Variants in COA1 observed in about 807,000 individuals in gnomAD.
The protein encoded by COA1 is cytochrome c oxidase assembly factor 1 homolog.
A neutral mutation model predicts 16.0 loss-of-function variants in COA1; 13 were observed. The ratio of observed to expected loss-of-function variants is 0.81; its 90% CI spans 0.53 to 1.29. The LOEUF (loss-of-function observed/expected upper bound fraction) is 1.29, where lower values mean the gene tolerates loss of function less well. COA1 is among the 50% of genes most tolerant of loss of function. COA1 has a pLI of 0.00. For synonymous variants in COA1, 65 were observed against 65.7 expected, an observed-to-expected ratio of 0.99 and a Z score of 0.05; for missense variants, 179 against 177.0, an observed-to-expected ratio of 1.01 and a Z score of -0.06.
intron 1 of COA1, among the ~76,000 whole-genome samples, chr7:43,672,945 G>C (rs1327258467): frequency 6.6e-6 from 1 of 152,152 alleles, no homozygotes; most frequent in Non-Finnish European, 1.5e-5. Context: ...TAATGGTGCT[G>C]AAATAATGGG....
intron 6 of COA1, among the ~76,000 whole-genome samples, chr7:43,612,075 C>T (rs2082928538): frequency 1.3e-5 from 2 of 152,174 alleles, no homozygotes; most frequent in South Asian, 4.1e-4. Flanking sequence ...CAGTATCAAT[C>T]ATATTCCTTT....
intron 1 of COA1, among the ~76,000 whole-genome samples, chr7:43,675,198 T>A (rs541828621): frequency 6.6e-6 from 1 of 152,096 alleles, no homozygotes; most frequent in African/African-American, 2.4e-5. Context: ...CCAACAACGA[T>A]AGACTGGATT....
rs750265343 is a variant in COA1 at position 43,639,350 on chromosome 7, A to G, written c.*232T>C. Reference sequence around the variant, plus strand: ...AAATACATTACATTATCTTAAATTTATAATAGGAGTTTCTTTCGGATTCAG... The same window carrying G: ...AAATACATTACATTATCTTAAATTTGTAATAGGAGTTTCTTTCGGATTCAG... On this transcript the variant is annotated 3_prime_UTR_variant, in exon 6 of 6. Coordinates refer to ENST00000223336, the MANE Select transcript of COA1 (RefSeq NM_018224.4). 8.2e-6 allele frequency: 3 copies of G among 365,632 alleles called. No homozygotes were observed. Among genetic ancestry groups the G allele is most frequent in the Non-Finnish European group, 1.5e-5 (3 of 200,982 alleles). 22.6% of individuals were successfully genotyped at this position (365,632 alleles called of 1,614,324 possible).
chr7:43,613,777 G>C (rs567547176), intron 6 of COA1, among the ~76,000 whole-genome samples: 1 of 152,166 alleles, frequency 6.6e-6, no homozygotes, highest in Non-Finnish European at 1.5e-5. Context: ...TCAGGAGTTC[G>C]AGGCTGCAGT....
chr7:43,684,267 G>C (rs1423096703), intron 1 of COA1, among the ~76,000 whole-genome samples: 1 of 152,124 alleles, frequency 6.6e-6, no homozygotes, highest in Admixed American at 6.6e-5. Flanking sequence ...ACTCCTATAA[G>C]AATTCAATAT....
chr7:43,691,639 C>T (rs1255564437), intron 1 of COA1, among the ~76,000 whole-genome samples: 1 of 152,114 alleles, frequency 6.6e-6, no homozygotes, highest in Non-Finnish European at 1.5e-5. Context: ...TACACTAGAC[C>T]TCAGCAAGAT....
At chr7:43,684,614 T>C (rs1207246016) in intron 1 of COA1, among the ~76,000 whole-genome samples, 1 of 152,146 alleles carries the variant, frequency 6.6e-6, no homozygotes, top group African/African-American at 2.4e-5. Context: ...TAGAGACCCC[T>C]CTTCTCAATG....
In COA1 at chr7:43,719,797, A is replaced by C. The variant is rs538008530; in HGVS notation, c.-39+9632T>G. Among the ~76,000 whole-genome samples, 3 of 152,270 alleles carry C rather than the reference A, an allele frequency of 2.0e-5. No individual in the cohort carries two copies. The East Asian group carries it at 5.8e-4, about 29-fold the overall frequency. On this transcript the variant is annotated intron_variant, in intron 1 of 5. Coordinates refer to ENST00000223336, the MANE Select transcript of COA1 (RefSeq NM_018224.4). Reference sequence around the variant, plus strand: ...TTTGCTTACAAACAGGTTTCCTTGAATCTATTCTCCCCACCTCCTCCAATC... The same window carrying C: ...TTTGCTTACAAACAGGTTTCCTTGACTCTATTCTCCCCACCTCCTCCAATC...
intron 1 of COA1, among the ~76,000 whole-genome samples, chr7:43,707,719 G>C (rs1008621172): frequency 1.3e-5 from 2 of 152,086 alleles, no homozygotes; most frequent in Non-Finnish European, 2.9e-5. Flanking sequence ...TTTCATTACA[G>C]TACAGTAGTC....
At chr7:43,670,397 G>A (rs1372115125) in intron 1 of COA1, among the ~76,000 whole-genome samples, 1 of 152,052 alleles carries the variant, frequency 6.6e-6, no homozygotes, top group African/African-American at 2.4e-5. Context: ...AGGCTGCAGT[G>A]AGCCGAGACT....
At chr7:43,636,260 C>T (rs2085854440), downstream of COA1, among the ~76,000 whole-genome samples, 1 of 152,170 alleles carries the variant, frequency 6.6e-6, no homozygotes, top group Non-Finnish European at 1.5e-5. Flanking sequence ...ACCAGGAGCG[C>T]ATTACTAAGG....
At chr7:43,616,307 C>CTG (rs988108708) in intron 6 of COA1, among the ~76,000 whole-genome samples, 3 of 152,160 alleles carry the variant, frequency 2.0e-5, no homozygotes, top group Non-Finnish European at 4.4e-5. Context: ...ATTATAAACT[C>CTG]TGACAGTAGG....
intron 1 of COA1, among the ~76,000 whole-genome samples, chr7:43,674,740 C>G (rs1005561422): frequency 5.3e-5 from 8 of 152,206 alleles, no homozygotes; most frequent in African/African-American, 1.7e-4. Context: ...CAGTTAGTCA[C>G]AGAGGGAGTA....
chr7:43,609,484 C>G (rs2152974246), exon 7 of COA1: 1 of 152,336 alleles, frequency 6.6e-6, no homozygotes, highest in East Asian at 1.9e-4. Context: ...ATTCTCAAAA[C>G]CAGTTGTGTT....
At chr7:43,648,554 C>T (rs1438064931) in intron 2 of COA1, 46 bp downstream of exon 2, 1 of 1,604,052 alleles carries the variant, frequency 6.2e-7, no homozygotes, top group Non-Finnish European at 8.5e-7. Context: ...TCGAGAATAC[C>T]CTGGCAGGTT....
intron 1 of COA1, among the ~76,000 whole-genome samples, chr7:43,665,318 T>C (rs1298963781): frequency 2.6e-5 from 4 of 152,208 alleles, no homozygotes; most frequent in Admixed American, 1.3e-4. Context: ...ACGAGCAGTA[T>C]AGAGCGTCAA....
At chr7:43,688,116 G>A (rs1158901873) in intron 1 of COA1, among the ~76,000 whole-genome samples, 1 of 152,174 alleles carries the variant, frequency 6.6e-6, no homozygotes, top group African/African-American at 2.4e-5. Flanking sequence ...CCAGCCATGT[G>A]GAACTGTAAG....
At chr7:43,615,056 C>T (rs765574280) in intron 6 of COA1, among the ~76,000 whole-genome samples, 4 of 152,126 alleles carry the variant, frequency 2.6e-5, no homozygotes, top group South Asian at 2.1e-4. Context: ...TGGCATTTTG[C>T]GTGTACTCAA....
intron 1 of COA1, among the ~76,000 whole-genome samples, chr7:43,722,495 G>A (rs989582902): frequency 2.0e-5 from 3 of 152,124 alleles, no homozygotes; most frequent in Non-Finnish European, 4.4e-5. Flanking sequence ...TGCCTCCCAG[G>A]TTCAAGAGAT....
Sources: allele counts gnomAD v4.1 joint callset (sites outside exome capture counted in the v4.1 genomes callset), GRCh38; gene constraint gnomAD v4.1.1; transcripts MANE v1.5; gene names NCBI Gene and HGNC (gene_info 2026-07-23, HGNC 2026-07-21).